Variants in MTMR8 observed in about 807,000 individuals in gnomAD.
The protein encoded by MTMR8 is phosphatidylinositol-3,5-bisphosphate 3-phosphatase MTMR8.
A neutral mutation model predicts 39.3 loss-of-function variants in MTMR8; 65 were observed. The observed-to-expected ratio is 1.65, with a 90% confidence interval of 1.35 to 2.03. The LOEUF (loss-of-function observed/expected upper bound fraction) is 2.03, where lower values mean the gene tolerates loss of function less well. Ranked by LOEUF, MTMR8 falls within the 30% of genes most tolerant of loss-of-function variation. The probability of loss-of-function intolerance (pLI) is 0.00; values close to 1 mark genes in which losing one functional copy is unlikely to be tolerated. For synonymous variants in MTMR8, 245 were observed against 185.2 expected (o/e 1.32, Z -2.62); for missense variants, 777 against 538.9 (o/e 1.44, Z -4.37).
At position 64,268,883 on chromosome X, in the gene MTMR8, C is replaced by A; in HGVS notation, c.1769G>T (p.Arg590Met). 2 of 1,211,797 alleles carry A rather than the reference C, an allele frequency of 1.7e-6. No individual in the cohort carries two copies. Among genetic ancestry groups the A allele is most frequent in the Non-Finnish European group, 2.2e-6 (2 of 895,537 alleles). ...NTLMENGTLS[R>M]EGGLRAQMDQ... ...CATCTGAGCTCGGAGGCCTCCTTCC[C>A]TGGATAGGGTGCCATTCTCCATCAG... The change falls in exon 14 of 14, where the codon AGG (arginine) becomes ATG (methionine). Residue 590 changes from arginine to methionine, a missense_variant. Physicochemically the swap from Arg to Met is moderately conservative, Grantham distance 91. Coordinates refer to ENST00000374852, the MANE Select transcript of MTMR8 (RefSeq NM_017677.4).
intron 4 of MTMR8, among the ~76,000 whole-genome samples, 181 bp downstream of exon 4, chrX:64,354,596 T>C (rs907593081): frequency 1.8e-5 from 2 of 111,974 alleles, no homozygotes; most frequent in Non-Finnish European, 3.8e-5. Context: ...GGCCATGAGA[T>C]CTCTTACTCA....
intron 12 of MTMR8, among the ~76,000 whole-genome samples, chrX:64,301,825 G>C (rs1024951222): frequency 8.9e-6 from 1 of 111,822 alleles, no homozygotes; most frequent in Non-Finnish European, 1.9e-5. Context: ...ATACCCTGCC[G>C]TGTGAGGTGT....
chrX:64,320,961 GCTAA>G (rs1482826617), intron 12 of MTMR8, among the ~76,000 whole-genome samples: 2 of 111,821 alleles, frequency 1.8e-5, no homozygotes, highest in African/African-American at 3.3e-5. Flanking sequence ...TGAGAACTAA[GCTAA>G]CTGACAGAGA....
chrX:64,347,153 C>T (rs757296668), intron 6 of MTMR8, among the ~76,000 whole-genome samples: 27 of 110,673 alleles, frequency 2.4e-4, no homozygotes, highest in African/African-American at 5.3e-4. Flanking sequence ...ACTAAAAGTA[C>T]GGATCTAGCC....
intron 12 of MTMR8, among the ~76,000 whole-genome samples, chrX:64,280,797 C>T (rs973788211): frequency 2.7e-5 from 3 of 111,372 alleles, no homozygotes; most frequent in Admixed American, 1.9e-4. Flanking sequence ...ATCCAGAAAA[C>T]ATTATTGTCT....
intron 12 of MTMR8, among the ~76,000 whole-genome samples, chrX:64,282,761 C>G (rs1427708770): frequency 9.0e-6 from 1 of 110,991 alleles, no homozygotes; most frequent in African/African-American, 3.3e-5. Flanking sequence ...AATACACTAT[C>G]AGAAGAGTGA....
chrX:64,325,599 T>C (rs1405909062), intron 12 of MTMR8, among the ~76,000 whole-genome samples: 1 of 111,887 alleles, frequency 8.9e-6, no homozygotes, highest in Non-Finnish European at 1.9e-5. Flanking sequence ...TATCCCTTCA[T>C]GATAAAAACA....
intron 6 of MTMR8, among the ~76,000 whole-genome samples, chrX:64,345,417 C>G (rs1923324949): frequency 8.9e-6 from 1 of 111,863 alleles, no homozygotes; most frequent in Non-Finnish European, 1.9e-5. Context: ...ATTATGAAAA[C>G]CTTTCTTAAG....
At chrX:64,380,329 T>A (rs1022286006) in intron 1 of MTMR8, among the ~76,000 whole-genome samples, 55 of 112,867 alleles carry the variant, frequency 4.9e-4, no homozygotes, top group African/African-American at 1.6e-3. Flanking sequence ...TGCAGTGACT[T>A]AGCCTCACAA....
chrX:64,391,542 T>C (rs1924690388), intron 1 of MTMR8, among the ~76,000 whole-genome samples: 1 of 111,873 alleles, frequency 8.9e-6, no homozygotes, highest in Non-Finnish European at 1.9e-5. Context: ...TCTCATCACC[T>C]TACTTAAGAG....
chrX:64,315,537 C>G (rs1246612384), intron 12 of MTMR8, among the ~76,000 whole-genome samples: 1 of 111,901 alleles, frequency 8.9e-6, no homozygotes, highest in Non-Finnish European at 1.9e-5. Context: ...TCTATTTAAT[C>G]TGATACTATG....
At chrX:64,355,215 G>A (rs1923592477) in intron 3 of MTMR8, among the ~76,000 whole-genome samples, 1 of 112,073 alleles carries the variant, frequency 8.9e-6, no homozygotes, top group African/African-American at 3.2e-5. Flanking sequence ...ATAATTGACT[G>A]AACTGAGGCT....
chrX:64,270,722 G>A (rs1569206241), intron 13 of MTMR8, among the ~76,000 whole-genome samples: 1 of 111,647 alleles, frequency 9.0e-6, no homozygotes, highest in Non-Finnish European at 1.9e-5. Flanking sequence ...AAGAGATAAA[G>A]GGAACAAATT....
chrX:64,318,508 C>T (rs1303092426), intron 12 of MTMR8, among the ~76,000 whole-genome samples: 2 of 110,775 alleles, frequency 1.8e-5, no homozygotes, highest in African/African-American at 3.3e-5. Context: ...AAAAGAAAAC[C>T]CATGAAACTC....
chrX:64,316,021 T>C (rs1262327763), intron 12 of MTMR8, among the ~76,000 whole-genome samples: 1 of 111,384 alleles, frequency 9.0e-6, no homozygotes, highest in Non-Finnish European at 1.9e-5. Context: ...CTCCTTCCTT[T>C]TACATCCCTT....
intron 12 of MTMR8, among the ~76,000 whole-genome samples, chrX:64,304,284 C>A (rs1922004179): frequency 8.9e-6 from 1 of 111,900 alleles, no homozygotes; most frequent in Admixed American, 9.5e-5. Context: ...TACATTAACA[C>A]TCAGGATCTC....
chrX:64,303,654 C>A (rs1455909955), intron 12 of MTMR8, among the ~76,000 whole-genome samples: 2 of 112,194 alleles, frequency 1.8e-5, no homozygotes, highest in Non-Finnish European at 3.8e-5. Flanking sequence ...TACATAACCT[C>A]AAAACTGAGG....
chrX:64,374,937 A>T (rs1924225512), intron 1 of MTMR8, among the ~76,000 whole-genome samples: 1 of 108,779 alleles, frequency 9.2e-6, no homozygotes, highest in African/African-American at 3.3e-5. Flanking sequence ...AGATGCAATA[A>T]GGAAGGATTC....
At chrX:64,338,857 T>C (rs1923143739) in intron 8 of MTMR8, among the ~76,000 whole-genome samples, 1 of 111,771 alleles carries the variant, frequency 8.9e-6, no homozygotes, top group Non-Finnish European at 1.9e-5. Flanking sequence ...AGACTAGTCA[T>C]GGGATGAAAG....
Sources: allele counts gnomAD v4.1 joint callset (sites outside exome capture counted in the v4.1 genomes callset), GRCh38; gene constraint gnomAD v4.1.1; transcripts MANE v1.5; gene names NCBI Gene and HGNC (gene_info 2026-07-23, HGNC 2026-07-21).